Variants in CDH18 observed in about 807,000 individuals in gnomAD.
CDH18 encodes the protein cadherin-18.
In CDH18, 31 loss-of-function variants were observed where a neutral mutation model predicts 67.9. That is an observed-to-expected ratio of 0.46 (90% CI 0.34 to 0.62). The LOEUF (loss-of-function observed/expected upper bound fraction) is 0.62, where lower values mean the gene tolerates loss of function less well. CDH18 is among the 20% of genes least tolerant of loss of function. The probability of loss-of-function intolerance (pLI) is 0.01; values close to 1 mark genes in which losing one functional copy is unlikely to be tolerated. For missense variants in CDH18, 890 were observed against 975.5 expected, an observed-to-expected ratio of 0.91 and a Z score of 1.17; for synonymous variants, 362 against 347.2, an observed-to-expected ratio of 1.04 and a Z score of -0.48.
chr5:20,366,652 GTAA>G (rs1312714257), intron 1 of CDH18, among the ~76,000 whole-genome samples: 1 of 152,262 alleles, frequency 6.6e-6, no homozygotes, highest in Admixed American at 6.5e-5. Flanking sequence ...AACAGTGGAA[GTAA>G]TAATAATTCA....
At chr5:20,400,433 G>T (rs1745659425) in intron 1 of CDH18, among the ~76,000 whole-genome samples, 1 of 151,974 alleles carries the variant, frequency 6.6e-6, no homozygotes, top group Non-Finnish European at 1.5e-5. Flanking sequence ...AGCCGAGATT[G>T]TTCCACTGCA....
chr5:20,011,032 A>T (rs1009690629), intron 2 of CDH18, among the ~76,000 whole-genome samples: 2 of 152,160 alleles, frequency 1.3e-5, no homozygotes, highest in Admixed American at 6.6e-5. Context: ...ATTTTGCCTC[A>T]CAAATAGCGT....
At chr5:19,891,481 T>C (rs1487171873) in intron 2 of CDH18, among the ~76,000 whole-genome samples, 1 of 152,106 alleles carries the variant, frequency 6.6e-6, no homozygotes, top group African/African-American at 2.4e-5. Context: ...TGAAAGATAA[T>C]CACGTAAAAG....
In CDH18 at chr5:19,680,051, T is replaced by C. The variant is rs907431552; in HGVS notation, c.643+41296A>G. 4.6e-5 allele frequency among the ~76,000 whole-genome samples: 7 copies of C among 152,064 alleles called. No individual in the cohort carries two copies. In the East Asian group the frequency reaches 1.2e-3, roughly 25 times the overall value. On this transcript the variant is annotated intron_variant, in intron 5 of 12. Transcript: ENST00000382275. ...CCAACTTCAAACTATACTAAAAGGA[T>C]AAAGTAACCAAAACTGTATGGTAAT...
intron 10 of CDH18, among the ~76,000 whole-genome samples, chr5:19,508,815 T>A (rs1264389044): frequency 6.6e-6 from 1 of 151,896 alleles, no homozygotes; most frequent in African/African-American, 2.4e-5. Context: ...TTTTGGCAAA[T>A]GAACTTGCTT....
intron 1 of CDH18, among the ~76,000 whole-genome samples, chr5:20,358,082 T>C (rs923747777): frequency 2.3e-4 from 35 of 152,066 alleles, no homozygotes; most frequent in Non-Finnish European, 3.5e-4. Context: ...CACATATAAG[T>C]GGAAGCTAAA....
intron 2 of CDH18, among the ~76,000 whole-genome samples, chr5:20,054,101 G>A (rs1741693410): frequency 2.0e-5 from 3 of 152,032 alleles, no homozygotes; most frequent in Admixed American, 2.0e-4. Context: ...ATTGTAATTA[G>A]AATATATACG....
chr5:19,870,040 C>T (rs1231232011), intron 2 of CDH18, among the ~76,000 whole-genome samples: 1 of 152,094 alleles, frequency 6.6e-6, no homozygotes, highest in East Asian at 1.9e-4. Flanking sequence ...AGGACTGTAG[C>T]TTTGCCATTT....
chr5:20,570,946 G>A (rs1758782006), intron 1 of CDH18, among the ~76,000 whole-genome samples: 1 of 152,132 alleles, frequency 6.6e-6, no homozygotes, highest in African/African-American at 2.4e-5. Context: ...ATTGATCATA[G>A]CAACAAGAGA....
intron 3 of CDH18, among the ~76,000 whole-genome samples, chr5:19,836,989 GCAAAGACTTGGAACCATCC>G (rs1367755002): frequency 1.3e-5 from 2 of 152,082 alleles, no homozygotes; most frequent in Non-Finnish European, 2.9e-5. Context: ...GTTCACAATA[GCAAAGACTTGGAACCATCC>G]CAAATGCCCA....
intron 6 of CDH18, among the ~76,000 whole-genome samples, chr5:19,599,299 C>G (rs1264888578): frequency 6.6e-6 from 1 of 151,886 alleles, no homozygotes; most frequent in East Asian, 1.9e-4. Flanking sequence ...TTGATGTAAA[C>G]AATATCTGTT....
intron 1 of CDH18, among the ~76,000 whole-genome samples, chr5:20,466,839 C>A (rs561989674): frequency 6.6e-6 from 1 of 152,202 alleles, no homozygotes; most frequent in African/African-American, 2.4e-5. Flanking sequence ...ATCATTCTAG[C>A]AAACTTAAGA....
At chr5:19,814,598 T>A (rs568616832) in intron 3 of CDH18, among the ~76,000 whole-genome samples, 9 of 152,032 alleles carry the variant, frequency 5.9e-5, no homozygotes, top group African/African-American at 2.2e-4. Context: ...ACGAACCCTA[T>A]ACCCTTTTGC....
intron 2 of CDH18, among the ~76,000 whole-genome samples, chr5:20,223,519 T>C (rs1436286504): frequency 1.3e-5 from 2 of 152,048 alleles, no homozygotes; most frequent in Non-Finnish European, 2.9e-5. Flanking sequence ...TGGGAAGGCA[T>C]GATTGGTTTT....
At chr5:19,529,661 A>G (rs1246923537) in intron 9 of CDH18, among the ~76,000 whole-genome samples, 1 of 152,146 alleles carries the variant, frequency 6.6e-6, no homozygotes, top group Admixed American at 6.5e-5. Context: ...GTATTTACAT[A>G]TATTTCTATC....
intron 1 of CDH18, among the ~76,000 whole-genome samples, chr5:20,426,534 T>C (rs1748314676): frequency 1.3e-5 from 2 of 151,158 alleles, no homozygotes; most frequent in Admixed American, 1.3e-4. Flanking sequence ...CACTTTTTAA[T>C]CCACTGTATT....
chr5:19,670,463 G>C (rs563645556), intron 5 of CDH18, among the ~76,000 whole-genome samples: 126 of 152,226 alleles, frequency 8.3e-4, no homozygotes, highest in Non-Finnish European at 1.6e-3. Context: ...CAAAGATTAG[G>C]AAATGAAGGG....
intron 11 of CDH18, among the ~76,000 whole-genome samples, chr5:19,485,075 TA>T (rs1227744920): frequency 2.6e-5 from 4 of 152,108 alleles, no homozygotes; most frequent in African/African-American, 7.2e-5. Flanking sequence ...ATTAACATAA[TA>T]AAAAAGCTAA....
chr5:19,961,487 G>A (rs1796903658), intron 2 of CDH18, among the ~76,000 whole-genome samples: 1 of 152,074 alleles, frequency 6.6e-6, no homozygotes, highest in South Asian at 2.1e-4. Flanking sequence ...GCACATAACT[G>A]TATATATGTT....
Sources: allele counts gnomAD v4.1 joint callset (sites outside exome capture counted in the v4.1 genomes callset), GRCh38; gene constraint gnomAD v4.1.1; transcripts MANE v1.5; gene names NCBI Gene and HGNC (gene_info 2026-07-23, HGNC 2026-07-21).